SBNO2: variants seen among roughly 807,000 people sequenced by gnomAD.
SBNO2 encodes protein strawberry notch homolog 2.
SBNO2 carries 89 observed loss-of-function variants against 146.3 expected under a neutral mutation model. The observed-to-expected ratio is 0.61, with a 90% CI of 0.51 to 0.73. SBNO2 has a LOEUF of 0.73. SBNO2 is among the 30% of genes least tolerant of loss of function. The probability of loss-of-function intolerance (pLI) is 0.00; values close to 1 mark genes in which losing one functional copy is unlikely to be tolerated. For synonymous variants in SBNO2, 1,147 were observed against 892.6 expected, an observed-to-expected ratio of 1.29 and a Z score of -5.08; for missense variants, 2,092 against 2,003.7, an observed-to-expected ratio of 1.04 and a Z score of -0.84.
At position 1,112,178 on chromosome 19, in the gene SBNO2, C is replaced by A. The variant is rs1347577182; in HGVS notation, c.2628+11G>T. The A allele has an allele frequency of 3.8e-6, 6 of 1,583,052 alleles. No individual in the cohort carries two copies. The highest frequency in any genetic ancestry group is 3.4e-6 in the Non-Finnish European group (4 of 1,164,544). ...TGTCCCTGGTTCTCAGCCCCACCCC[C>A]ACCTGCTCACCAGACTCTCCAGGCG... On this transcript the variant is annotated intron_variant, in intron 22 of 31. Coordinates refer to ENST00000361757, the MANE Select transcript of SBNO2 (RefSeq NM_014963.3). This position sits in a 1 kb window ranked among gnomAD's most constrained non-coding sequence, Gnocchi z 5.9.
intron 1 of SBNO2, among the ~76,000 whole-genome samples, chr19:1,162,061 C>T (rs962030944): frequency 6.6e-6 from 1 of 150,398 alleles, no homozygotes; most frequent in Non-Finnish European, 1.5e-5. Context: ...CTCCTGGCCC[C>T]GAGGCTGTGG....
intron 3 of SBNO2, among the ~76,000 whole-genome samples, 160 bp from the exon 4 acceptor site, chr19:1,147,580 G>T (rs978974563): frequency 3.9e-5 from 6 of 151,992 alleles, no homozygotes; most frequent in Non-Finnish European, 7.4e-5. Flanking sequence ...ATACAGAGGG[G>T]CCTCCAGGGG....
chr19:1,114,426 C>T lies in SBNO2; in HGVS notation c.1886-4G>A. 6.6e-7 allele frequency: 1 copy of T among 1,515,256 alleles called. No individual in the cohort carries two copies. Among genetic ancestry groups the T allele is most frequent in the Non-Finnish European group, 8.9e-7 (1 of 1,128,050 alleles). The allele number at this position is 1,515,256 out of a possible 1,614,324, so 93.9% of individuals were successfully genotyped here. On this transcript the variant is annotated splice_region_variant and splice_polypyrimidine_tract_variant and intron_variant, in intron 17 of 31. Transcript: ENST00000361757. ...GCCCCGCGTCCCCGAGGTCGCCCTG[C>T]AGGGAAGGACAGGGTCACCGAGGGC...
In SBNO2 at chr19:1,158,836, G is replaced by A. The variant is rs1160517752; in HGVS notation, c.-126-4434C>T. Among the ~76,000 whole-genome samples, 1 of 152,122 alleles carries A rather than the reference G, an allele frequency of 6.6e-6. No individual in the cohort carries two copies. ...CACGGCCATAAGACAGAGCGGACTT[G>A]CGGCCTCCGGTGACCTCACAGCCGT... On this transcript the variant is annotated intron_variant, in intron 1 of 31. Transcript: ENST00000361757. The surrounding 1 kb of genome is among the most constrained non-coding windows in gnomAD (Gnocchi z 9.9).
At chr19:1,132,226 C>CG (rs1464634394) in intron 4 of SBNO2, 1 of 1,313,878 alleles carries the variant, frequency 7.6e-7, no homozygotes, top group Non-Finnish European at 9.7e-7. Flanking sequence ...AGCATTGGGT[C>CG]GGCCGGGGCG....
chr19:1,132,369 A>G, intron 4 of SBNO2: 1 of 1,124,084 alleles, frequency 8.9e-7, no homozygotes, highest in South Asian at 2.5e-5. Context: ...AATTACCGGC[A>G]GTGCGAGGAG....
chr19:1,151,214 A>G (rs933337698), intron 2 of SBNO2, among the ~76,000 whole-genome samples: 7 of 152,138 alleles, frequency 4.6e-5, no homozygotes, highest in African/African-American at 1.7e-4. Context: ...GCCTCCTCAG[A>G]TGAGCTGGAG....
chr19:1,126,552 G>C lies in SBNO2; in HGVS notation c.441+1052C>G, dbSNP rs568781776. On this transcript the variant is annotated intron_variant, in intron 5 of 31. Transcript: ENST00000361757. This position sits in a 1 kb window ranked among gnomAD's most constrained non-coding sequence, Gnocchi z 4.4. ...CACCATGGCTGCGGGGTGCCCTGATGCTTCCTGAGCCGCCCACCGTGAGCC... is the reference window on the plus strand; with the variant it reads ...CACCATGGCTGCGGGGTGCCCTGATCCTTCCTGAGCCGCCCACCGTGAGCC... Among the ~76,000 whole-genome samples, 20 of 151,910 alleles carry C rather than the reference G, an allele frequency of 1.3e-4. No homozygotes were observed. Among genetic ancestry groups the C allele is most frequent in the African/African-American group, 4.8e-4 (20 of 41,420 alleles).
chr19:1,171,566 G>A lies in SBNO2; in HGVS notation c.-127+2606C>T, dbSNP rs540967981. ...CAGCATGGGGGCCCCCTGGGAGGGGGCCTCTGGGAGCCGGACTGGTTCTGT... is the reference window on the plus strand; with the variant it reads ...CAGCATGGGGGCCCCCTGGGAGGGGACCTCTGGGAGCCGGACTGGTTCTGT... On this transcript the variant is annotated intron_variant, in intron 1 of 31. Transcript: ENST00000361757. Among the ~76,000 whole-genome samples, 17 of 152,298 alleles carry A rather than the reference G, an allele frequency of 1.1e-4. 1 individual carries two copies. The East Asian group carries it at 3.1e-3, about 28-fold the overall frequency.
intron 5 of SBNO2, among the ~76,000 whole-genome samples, chr19:1,124,290 C>T (rs1365131324): frequency 1.3e-5 from 2 of 152,220 alleles, no homozygotes; most frequent in African/African-American, 4.8e-5. Context: ...GCCAGTGTGC[C>T]TGCCTGGAGT....
Position 1,109,455 on chromosome 19 carries a change from G to A in SBNO2, c.3217-32C>T. 1 of 1,565,478 alleles carries A rather than the reference G, an allele frequency of 6.4e-7. No individual in the cohort carries two copies. The highest frequency in any genetic ancestry group is 2.4e-5 in the East Asian group (1 of 41,974). On this transcript the variant is annotated intron_variant, in intron 28 of 31. Coordinates refer to ENST00000361757, the MANE Select transcript of SBNO2 (RefSeq NM_014963.3). This position sits in a 1 kb window ranked among gnomAD's most constrained non-coding sequence, Gnocchi z 4.2. ...AGGGGGGCGTTGAGGCCGCGCCCCG[G>A]TCCGCCCCCCGCGGGCCCTCCTCTG... is the stretch of plus-strand genomic sequence containing the variant.
chr19:1,162,295 TA>T (rs202140464), intron 1 of SBNO2, among the ~76,000 whole-genome samples: 14 of 85,056 alleles, frequency 1.6e-4, no homozygotes, highest in Admixed American at 7.3e-4. Context: ...CCGTCTCTAC[TA>T]AAAAATACAA....
intron 1 of SBNO2, among the ~76,000 whole-genome samples, chr19:1,172,326 T>G (rs1454138234): frequency 2.0e-5 from 3 of 152,174 alleles, no homozygotes; most frequent in Non-Finnish European, 4.4e-5. Context: ...AAATTCGCCC[T>G]TTCTCGGCAA....
chr19:1,129,194 G>A (rs1352965281), intron 4 of SBNO2, among the ~76,000 whole-genome samples: 1 of 152,188 alleles, frequency 6.6e-6, no homozygotes, highest in African/African-American at 2.4e-5. Context: ...TTGAACTCAG[G>A]AGGCAGAGGC....
rs754904094 is a variant in SBNO2, at chr19:1,154,245, T to C, written c.32A>G (p.Asp11Gly). Reference sequence around the variant, plus strand: ...CGGCGGGGGTTCATGCTGCGGGTAATCCCTGTCCATGGCGGGCCCCACTGC... The same window carrying C: ...CGGCGGGGGTTCATGCTGCGGGTAACCCCTGTCCATGGCGGGCCCCACTGC... Reference protein sequence around the residue: MLAVGPAMDRDYPQHEPPPAG... With the variant: MLAVGPAMDRGYPQHEPPPAG... Residue 11 changes from aspartate to glycine, a missense_variant, in exon 2 of 32, where the codon GAT (aspartate) becomes GGT (glycine). Transcript: ENST00000361757. 1.0e-5 allele frequency: 13 copies of C among 1,270,766 alleles called. No individual in the cohort carries two copies. In the Admixed American group the frequency reaches 4.2e-4, roughly 41 times the overall value. 78.7% of individuals were successfully genotyped at this position (1,270,766 alleles called of 1,614,324 possible).
intron 4 of SBNO2, among the ~76,000 whole-genome samples, chr19:1,145,872 C>A (rs1329876608): frequency 2.6e-5 from 4 of 152,156 alleles, no homozygotes; most frequent in African/African-American, 4.8e-5. Flanking sequence ...GGGCGCCCCC[C>A]TCCCCTGAAC....
intron 17 of SBNO2, among the ~76,000 whole-genome samples, chr19:1,114,765 G>A (rs143484372): frequency 0.027 from 4,106 of 152,246 alleles, 186 homozygotes; most frequent in African/African-American, 0.094. Context: ...CTCCTGAGTA[G>A]GTGGGATTAC....
chr19:1,128,941 C>T (rs2145245557), intron 4 of SBNO2, among the ~76,000 whole-genome samples: 1 of 147,204 alleles, frequency 6.8e-6, no homozygotes, highest in East Asian at 2.0e-4. Context: ...TACATTCCAG[C>T]CTGGGTGACA....
chr19:1,139,542 C>A (rs2080116122), intron 4 of SBNO2, among the ~76,000 whole-genome samples: 1 of 152,122 alleles, frequency 6.6e-6, no homozygotes, highest in South Asian at 2.1e-4. Flanking sequence ...CACCTGTAAT[C>A]CCGACACTTT....
Sources: allele counts gnomAD v4.1 joint callset (sites outside exome capture counted in the v4.1 genomes callset), GRCh38; gene constraint gnomAD v4.1.1; non-coding constraint Gnocchi (gnomAD v3.1); transcripts MANE v1.5; gene names NCBI Gene and HGNC (gene_info 2026-07-23, HGNC 2026-07-21).